The following NUBPL variants were observed in gnomAD, a reference collection of about 807,000 sequenced individuals.
NUBPL encodes the protein iron-sulfur cluster transfer protein NUBPL.
A neutral mutation model predicts 45.7 loss-of-function variants in NUBPL; 31 were observed. That is an observed-to-expected ratio of 0.68 (90% CI 0.51 to 0.92). The LOEUF (loss-of-function observed/expected upper bound fraction) is 0.92. NUBPL is among the 40% of genes least tolerant of loss of function. NUBPL has a pLI of 0.00. For missense variants in NUBPL, 401 were observed against 398.7 expected (o/e 1.01, Z -0.05); for synonymous variants, 144 against 140.9 (o/e 1.02, Z -0.15).
intron 6 of NUBPL, among the ~76,000 whole-genome samples, chr14:31,774,925 G>GC (rs2039072455): frequency 6.6e-6 from 1 of 152,044 alleles, no homozygotes. Context: ...CTATGTAGGT[G>GC]CCCCCAGCCA....
chr14:31,757,417 G>T (rs2038693419), intron 6 of NUBPL, among the ~76,000 whole-genome samples: 1 of 151,512 alleles, frequency 6.6e-6, no homozygotes, highest in Non-Finnish European at 1.5e-5. Context: ...ACTTCTTCCT[G>T]GTTTAGTCTT....
intron 7 of NUBPL, among the ~76,000 whole-genome samples, chr14:31,804,995 G>A (rs1233683701): frequency 1.3e-5 from 2 of 151,994 alleles, no homozygotes; most frequent in Non-Finnish European, 2.9e-5. Context: ...AGAGTAAACA[G>A]ACAGCCTACA....
At chr14:31,813,518 TACACACACATACATCCATACACACAC>T (rs1566577318) in intron 7 of NUBPL, among the ~76,000 whole-genome samples, 1 of 150,580 alleles carries the variant, frequency 6.6e-6, no homozygotes, top group Non-Finnish European at 1.5e-5. Flanking sequence ...TATATATATA[TACACACACATACATCCATACACACAC>T]ACACACACAT....
At chr14:31,785,500 G>A (rs569377474) in intron 6 of NUBPL, among the ~76,000 whole-genome samples, 4 of 152,220 alleles carry the variant, frequency 2.6e-5, no homozygotes, top group East Asian at 1.9e-4. Context: ...AATGTAAATC[G>A]CTTGAATCAT....
intron 3 of NUBPL, among the ~76,000 whole-genome samples, chr14:31,580,783 A>G (rs1283960532): frequency 2.6e-5 from 4 of 152,220 alleles, no homozygotes; most frequent in Non-Finnish European, 5.9e-5. Flanking sequence ...GATTATATGA[A>G]GTGTTTTTAT....
chr14:31,641,449 C>T (rs2035696582), intron 4 of NUBPL, among the ~76,000 whole-genome samples: 1 of 152,070 alleles, frequency 6.6e-6, no homozygotes, highest in Non-Finnish European at 1.5e-5. Flanking sequence ...CTAGGCCTGG[C>T]TTATTTCACT....
At chr14:31,612,006 A>G (rs1267916746) in intron 4 of NUBPL, among the ~76,000 whole-genome samples, 1 of 152,226 alleles carries the variant, frequency 6.6e-6, no homozygotes, top group Non-Finnish European at 1.5e-5. Context: ...CATTGGCTTC[A>G]ACAAACATTT....
intron 4 of NUBPL, among the ~76,000 whole-genome samples, chr14:31,616,258 T>G (rs1230396867): frequency 2.6e-5 from 4 of 152,212 alleles, no homozygotes; most frequent in Non-Finnish European, 5.9e-5. Flanking sequence ...TGATGATAGC[T>G]TCTTTTGCTG....
chr14:31,813,684 C>T (rs1264206765), intron 7 of NUBPL, among the ~76,000 whole-genome samples: 2 of 152,110 alleles, frequency 1.3e-5, no homozygotes, highest in East Asian at 1.9e-4. Flanking sequence ...TATCTCTCCC[C>T]TGGCCCCCAA....
At chr14:31,662,279 ATTTATT>A (rs1388015125) in intron 4 of NUBPL, 2 of 128,690 alleles carry the variant, frequency 1.6e-5, no homozygotes, top group African/African-American at 4.9e-5. Flanking sequence ...TAATATTTAT[ATTTATT>A]TTATTTTATT....
chr14:31,767,250 T>C (rs2038930665), intron 6 of NUBPL, among the ~76,000 whole-genome samples: 1 of 152,214 alleles, frequency 6.6e-6, no homozygotes, highest in African/African-American at 2.4e-5. Context: ...AGCTCTTGGC[T>C]GGAGTGCAGT....
At chr14:31,592,330 A>G (rs959896919) in intron 3 of NUBPL, among the ~76,000 whole-genome samples, 1 of 152,130 alleles carries the variant, frequency 6.6e-6, no homozygotes, top group Non-Finnish European at 1.5e-5. Flanking sequence ...TGACTGGGTT[A>G]TGTGGGGTGA....
chr14:31,624,962 A>G (rs1156693147), intron 4 of NUBPL, among the ~76,000 whole-genome samples: 1 of 152,058 alleles, frequency 6.6e-6, no homozygotes, highest in Admixed American at 6.6e-5. Flanking sequence ...TGCACAAGAC[A>G]CTCTCCCACA....
chr14:31,795,038 T>C (rs1310244232), intron 7 of NUBPL, among the ~76,000 whole-genome samples: 1 of 148,706 alleles, frequency 6.7e-6, no homozygotes, highest in Non-Finnish European at 1.5e-5. Flanking sequence ...GATCAGATAG[T>C]TGTAGATATG....
chr14:31,682,129 A>T (rs2036848767), intron 6 of NUBPL, among the ~76,000 whole-genome samples: 1 of 152,120 alleles, frequency 6.6e-6, no homozygotes, highest in African/African-American at 2.4e-5. Flanking sequence ...GAGTGTTAAC[A>T]TCTCCAGGTA....
intron 7 of NUBPL, among the ~76,000 whole-genome samples, chr14:31,816,983 A>G (rs1230333850): frequency 1.3e-5 from 2 of 151,948 alleles, no homozygotes; most frequent in Non-Finnish European, 2.9e-5. Context: ...AGAGAAGAAC[A>G]TAAATGACCT....
Position 31,688,531 on chromosome 14 carries a change from G to C in NUBPL, c.513+14957G>C, listed in dbSNP as rs550804251. Among the ~76,000 whole-genome samples, 4 of 146,076 alleles carry C rather than the reference G, an allele frequency of 2.7e-5. No homozygotes were observed. The East Asian group carries it at 8.0e-4, about 29-fold the overall frequency. On this transcript the variant is annotated intron_variant, in intron 6 of 10. Transcript: ENST00000281081. Reference sequence around the variant, plus strand: ...GGCCGAGGAGGTTGCAGTGAGCTGAGATTGCGCCATTGCACTCCAGCCCGG... The same window carrying C: ...GGCCGAGGAGGTTGCAGTGAGCTGACATTGCGCCATTGCACTCCAGCCCGG...
chr14:31,660,207 C>T (rs541408859), intron 4 of NUBPL, among the ~76,000 whole-genome samples: 3 of 151,606 alleles, frequency 2.0e-5, no homozygotes, highest in African/African-American at 7.3e-5. Flanking sequence ...TTGACCCATT[C>T]CACTTTCTAG....
At chr14:31,631,341 A>C (rs531897547) in intron 4 of NUBPL, among the ~76,000 whole-genome samples, 13 of 151,524 alleles carry the variant, frequency 8.6e-5, no homozygotes, top group African/African-American at 3.2e-4. Flanking sequence ...TTTTCCCTCT[A>C]TGTATTCTCT....
Sources: allele counts gnomAD v4.1 joint callset (sites outside exome capture counted in the v4.1 genomes callset), GRCh38; gene constraint gnomAD v4.1.1; transcripts MANE v1.5; gene names NCBI Gene and HGNC (gene_info 2026-07-23, HGNC 2026-07-21).